MCTP1: variants seen among roughly 807,000 people sequenced by gnomAD.
The protein encoded by MCTP1 is multiple C2 and transmembrane domain-containing protein 1.
In MCTP1, 69 loss-of-function variants were observed where a neutral mutation model predicts 120.6. That is an observed-to-expected ratio of 0.57 (90% CI 0.47 to 0.70). The LOEUF (loss-of-function observed/expected upper bound fraction) is 0.70, where lower values mean the gene tolerates loss of function less well. MCTP1 is among the 30% of genes least tolerant of loss of function. The pLI, the probability that MCTP1 is intolerant of heterozygous loss-of-function variation, is 0.00. For synonymous variants in MCTP1, 529 were observed against 493.1 expected, an observed-to-expected ratio of 1.07 and a Z score of -0.96; for missense variants, 1,203 against 1,248.8, an observed-to-expected ratio of 0.96 and a Z score of 0.55.
At chr5:94,992,474 C>T (rs1474375187) in intron 2 of MCTP1, among the ~76,000 whole-genome samples, 1 of 152,164 alleles carries the variant, frequency 6.6e-6, no homozygotes, top group Non-Finnish European at 1.5e-5. Context: ...TGACACCAGA[C>T]CTGTGCTGTA....
At chr5:94,846,297 C>A (rs1226780401) in intron 17 of MCTP1, among the ~76,000 whole-genome samples, 1 of 152,106 alleles carries the variant, frequency 6.6e-6, no homozygotes. Context: ...ATAGTACATA[C>A]ACAGCATGGA....
intron 19 of MCTP1, among the ~76,000 whole-genome samples, chr5:94,733,457 G>A (rs923160977): frequency 6.6e-6 from 1 of 152,180 alleles, no homozygotes; most frequent in Admixed American, 6.5e-5. Flanking sequence ...TTTTGTATCA[G>A]CACAGCATAG....
At chr5:95,002,288 G>A (rs1488215590) in intron 2 of MCTP1, among the ~76,000 whole-genome samples, 1 of 152,214 alleles carries the variant, frequency 6.6e-6, no homozygotes, top group Admixed American at 6.5e-5. Context: ...TCGACACAGA[G>A]TCCTCACTGG....
At chr5:95,225,738 T>G (rs1044020181) in intron 1 of MCTP1, among the ~76,000 whole-genome samples, 1 of 152,094 alleles carries the variant, frequency 6.6e-6, no homozygotes, top group Non-Finnish European at 1.5e-5. Context: ...CCGTTCTGGG[T>G]TTTCCTTTGT....
intron 1 of MCTP1, among the ~76,000 whole-genome samples, chr5:95,145,257 G>A (rs1168161687): frequency 1.3e-5 from 2 of 152,068 alleles, no homozygotes; most frequent in East Asian, 1.9e-4. Flanking sequence ...TATACTGAAA[G>A]TTTACTGAAG....
chr5:94,773,083 A>G (rs887343772), intron 19 of MCTP1, among the ~76,000 whole-genome samples: 1 of 152,174 alleles, frequency 6.6e-6, no homozygotes, highest in Admixed American at 6.5e-5. Context: ...TGGGTGTTTA[A>G]GCACCAATAG....
chr5:94,894,701 G>A lies in MCTP1; in HGVS notation c.1787C>T (p.Ser596Phe). 1 of 1,613,094 alleles carries A rather than the reference G, an allele frequency of 6.2e-7. No individual in the cohort carries two copies. The highest frequency in any genetic ancestry group is 2.2e-5 in the East Asian group (1 of 44,838). Residue 596 changes from serine (S) to phenylalanine (F), a missense_variant, in exon 11 of 23, where the codon TCT (serine) becomes TTT (phenylalanine). Ser to Phe is a radical substitution (Grantham distance 155, BLOSUM62 -2). Coordinates refer to ENST00000515393, the MANE Select transcript of MCTP1 (RefSeq NM_024717.7). ...CTTCTGGTCCTCCAGGGAGTTGACA[G>A]ACAGGTCAGAGATGCTGACTGTGGC... Reference protein sequence around the residue: ...ASATVSISDLSVNSLEDQKER... With the variant: ...ASATVSISDLFVNSLEDQKER...
intron 1 of MCTP1, among the ~76,000 whole-genome samples, chr5:95,191,643 G>A (rs71630705): frequency 0.17 from 25,206 of 151,766 alleles, 2,428 homozygotes; most frequent in Non-Finnish European, 0.22. Flanking sequence ...GTGAAAATAA[G>A]TATATTGGTT....
chr5:95,095,136 G>A (rs1756148345), intron 1 of MCTP1, among the ~76,000 whole-genome samples: 1 of 140,268 alleles, frequency 7.1e-6, no homozygotes, highest in African/African-American at 2.7e-5. Flanking sequence ...CCATTCTCCT[G>A]CCTCAGCCTC....
At chr5:94,833,697 T>C (rs1405465207) in intron 17 of MCTP1, among the ~76,000 whole-genome samples, 2 of 152,196 alleles carry the variant, frequency 1.3e-5, no homozygotes, top group Non-Finnish European at 1.5e-5. Context: ...ACTCAAGTTA[T>C]TTTTCCCGTT....
intron 2 of MCTP1, among the ~76,000 whole-genome samples, chr5:95,010,181 C>A (rs1835643323): frequency 6.6e-6 from 1 of 152,100 alleles, no homozygotes; most frequent in South Asian, 2.1e-4. Flanking sequence ...TTTCCAACCA[C>A]CACATGGTTT....
chr5:94,738,501 C>T (rs1355310067), intron 19 of MCTP1, among the ~76,000 whole-genome samples: 2 of 152,134 alleles, frequency 1.3e-5, no homozygotes, highest in Non-Finnish European at 2.9e-5. Context: ...CAGCCTGTCC[C>T]CCCATACTGA....
rs192791789 is a variant in MCTP1, at chr5:94,955,990, G to A, written c.839-2629C>T. Among the ~76,000 whole-genome samples, 476 of 152,294 alleles carry A rather than the reference G, an allele frequency of 3.1e-3. 4 individuals are homozygous for A. Among genetic ancestry groups the A allele is most frequent in the Non-Finnish European group, 3.5e-3 (235 of 68,020 alleles). ...TGACAGGGAGACACCTCCCAGCAGG[G>A]GTCGACAGACACCTCACACAGGAGA... On this transcript the variant is annotated intron_variant, in intron 2 of 22. Coordinates refer to ENST00000515393, the MANE Select transcript of MCTP1 (RefSeq NM_024717.7).
chr5:94,822,262 A>T (rs900755846), intron 17 of MCTP1, among the ~76,000 whole-genome samples: 4 of 151,976 alleles, frequency 2.6e-5, no homozygotes, highest in African/African-American at 9.7e-5. Context: ...CCCTGTGCCC[A>T]TATGTTCTCA....
intron 1 of MCTP1, among the ~76,000 whole-genome samples, chr5:95,220,487 T>C (rs1753568454): frequency 6.6e-6 from 1 of 152,214 alleles, no homozygotes. Flanking sequence ...TTGTTTCTCC[T>C]TCTTCCTCTA....
At chr5:94,781,132 AT>A (rs35398709) in intron 18 of MCTP1, among the ~76,000 whole-genome samples, 124,423 of 147,298 alleles carry the variant, frequency 0.84, 52,593 homozygotes, top group South Asian at 0.89. Context: ...TAAATGAAGT[AT>A]TTTTTTTTTT....
intron 1 of MCTP1, among the ~76,000 whole-genome samples, chr5:95,172,144 G>T (rs1321345787): frequency 6.6e-6 from 1 of 152,204 alleles, no homozygotes; most frequent in African/African-American, 2.4e-5. Context: ...ACCCTCAGCT[G>T]CAGGTCTGTT....
At chr5:94,829,782 C>T (rs1788117537) in intron 17 of MCTP1, among the ~76,000 whole-genome samples, 1 of 152,196 alleles carries the variant, frequency 6.6e-6, no homozygotes, top group Non-Finnish European at 1.5e-5. Context: ...AATGTGTTCA[C>T]AGTTCTGCCT....
At chr5:94,744,246 T>A (rs75496558) in intron 19 of MCTP1, among the ~76,000 whole-genome samples, 1 of 152,196 alleles carries the variant, frequency 6.6e-6, no homozygotes, top group East Asian at 1.9e-4. Flanking sequence ...AGTGCTCGGA[T>A]TATAGGCGTG....
Sources: gnomAD v4.1 joint callset for allele counts (sites outside exome capture counted in the v4.1 genomes callset) on GRCh38, gnomAD v4.1.1 for gene constraint, MANE v1.5 for transcripts, NCBI Gene and HGNC (gene_info 2026-07-23, HGNC 2026-07-21) for gene names.